The following TMEM217 variants were observed in gnomAD, a reference collection of about 807,000 sequenced individuals.
TMEM217 encodes transmembrane protein 217, also known as chromosome 6 open reading frame 128.
For missense variants in TMEM217, 204 were observed against 248.8 expected (o/e 0.82, Z 1.21); for synonymous variants, 76 against 88.3 (o/e 0.86, Z 0.78).
chr6:37,248,264 T>C (rs1400559627), intron 1 of TMEM217, among the ~76,000 whole-genome samples: 1 of 152,158 alleles, frequency 6.6e-6, no homozygotes, highest in Non-Finnish European at 1.5e-5. Flanking sequence ...GGGCTGTATG[T>C]TTACAGTGCT....
exon 2 of TMEM217, chr6:37,218,527 T>C: frequency 6.2e-7 from 1 of 1,614,138 alleles, no homozygotes; most frequent in South Asian, 1.1e-5. Context: ...CTGTAGAAAT[T>C]CGTCTCTTGT....
At chr6:37,249,827 GA>G (rs1765303957) in intron 1 of TMEM217, among the ~76,000 whole-genome samples, 1 of 152,168 alleles carries the variant, frequency 6.6e-6, no homozygotes, top group Non-Finnish European at 1.5e-5. Context: ...TGACCACTTT[GA>G]AAAACAGTTG....
chr6:37,244,632 G>A (rs1381698370), intron 1 of TMEM217, among the ~76,000 whole-genome samples: 1 of 152,184 alleles, frequency 6.6e-6, no homozygotes, highest in Non-Finnish European at 1.5e-5. Flanking sequence ...ATAGACTTGT[G>A]GAGAAATCTG....
chr6:37,225,130 G>A (rs1763752734), intron 1 of TMEM217, among the ~76,000 whole-genome samples: 1 of 152,014 alleles, frequency 6.6e-6, no homozygotes, highest in African/African-American at 2.4e-5. Flanking sequence ...AGCCTGGGAG[G>A]CAGAGGTTGC....
intron 1 of TMEM217, among the ~76,000 whole-genome samples, chr6:37,241,519 AGGTGCT>A (rs1420529080): frequency 6.6e-6 from 1 of 152,168 alleles, no homozygotes; most frequent in African/African-American, 2.4e-5. Context: ...GGCTAGAAGC[AGGTGCT>A]GGCAGGATCC....
intron 1 of TMEM217, among the ~76,000 whole-genome samples, chr6:37,249,706 G>A (rs916584577): frequency 5.3e-5 from 8 of 152,124 alleles, no homozygotes; most frequent in African/African-American, 1.9e-4. Flanking sequence ...CTTCCCTTAG[G>A]ATCTGACTTT....
Position 37,229,335 on chromosome 6 carries a change from G to GTTTTTTTTTTTTT in TMEM217, c.-11-10307_-11-10295dup, listed in dbSNP as rs372385535. Among the ~76,000 whole-genome samples, 15 of 74,364 alleles carry GTTTTTTTTTTTTT rather than the reference G, an allele frequency of 2.0e-4. 4 individuals are homozygous for GTTTTTTTTTTTTT. Among genetic ancestry groups the GTTTTTTTTTTTTT allele is most frequent in the Non-Finnish European group, 2.3e-4 (10 of 42,874 alleles). 48.8% of individuals were successfully genotyped at this position (74,364 alleles called of 152,430 possible). Reference sequence around the variant, plus strand: ...TGACTCGTCTCCCTAGCAACTTTCAGTTTTTTTTTTTTTTTTTTTTTTTTT... The same window carrying GTTTTTTTTTTTTT: ...TGACTCGTCTCCCTAGCAACTTTCAGTTTTTTTTTTTTTTTTTTTTTTTTTTTTTTTTTTTTTT... On this transcript the variant is annotated intron_variant, in intron 1 of 1. Coordinates refer to ENST00000357219, the Ensembl canonical transcript of TMEM217.
intron 1 of TMEM217, among the ~76,000 whole-genome samples, chr6:37,232,045 T>G (rs1019477261): frequency 6.6e-5 from 10 of 152,258 alleles, no homozygotes; most frequent in Admixed American, 5.2e-4. Context: ...ACTGGGCAGC[T>G]GAAGGATAAG....
chr6:37,237,813 T>C (rs777938302), intron 1 of TMEM217, among the ~76,000 whole-genome samples: 23 of 152,114 alleles, frequency 1.5e-4, no homozygotes, highest in South Asian at 4.1e-4. Context: ...TCTATATATA[T>C]ACACACACAC....
At chr6:37,251,850 T>C (rs1765416342) in intron 1 of TMEM217, among the ~76,000 whole-genome samples, 1 of 152,222 alleles carries the variant, frequency 6.6e-6, no homozygotes, top group South Asian at 2.1e-4. Context: ...CCAAATCTGG[T>C]ATGCTATTTT....
chr6:37,257,780 G>A (rs553290723), exon 1 of TMEM217: 2 of 932,522 alleles, frequency 2.1e-6, no homozygotes, highest in Non-Finnish European at 3.3e-6. Context: ...CCACATCCAA[G>A]ATGGCGTCCC....
At chr6:37,234,254 C>A (rs549508086) in intron 1 of TMEM217, among the ~76,000 whole-genome samples, 7 of 152,116 alleles carry the variant, frequency 4.6e-5, no homozygotes, top group Non-Finnish European at 1.0e-4. Flanking sequence ...CATGCGCCAC[C>A]ACACCCAGCT....
chr6:37,252,609 ATG>A (rs375935772), intron 1 of TMEM217, among the ~76,000 whole-genome samples: 6 of 36,344 alleles, frequency 1.7e-4, no homozygotes, highest in African/African-American at 6.2e-4. Flanking sequence ...GTGTGTGTGT[ATG>A]TGTGTGTATA....
intron 1 of TMEM217, among the ~76,000 whole-genome samples, chr6:37,236,433 A>G (rs1327959395): frequency 6.6e-6 from 1 of 152,106 alleles, no homozygotes; most frequent in Non-Finnish European, 1.5e-5. Context: ...TTGCCCTCCC[A>G]GGTTCAATCC....
intron 1 of TMEM217, among the ~76,000 whole-genome samples, chr6:37,227,509 C>T (rs765864130): frequency 2.6e-5 from 4 of 152,066 alleles, no homozygotes; most frequent in South Asian, 2.1e-4. Flanking sequence ...TGTAGTGGCG[C>T]GATCTTGGCT....
intron 1 of TMEM217, among the ~76,000 whole-genome samples, chr6:37,250,758 C>T (rs1765356077): frequency 6.6e-6 from 1 of 152,222 alleles, no homozygotes; most frequent in South Asian, 2.1e-4. Context: ...AAAATTTTTG[C>T]TAAACAATGC....
At chr6:37,235,645 C>T (rs967592247) in intron 1 of TMEM217, among the ~76,000 whole-genome samples, 3 of 152,262 alleles carry the variant, frequency 2.0e-5, no homozygotes, top group East Asian at 1.9e-4. Context: ...GGATTACAGG[C>T]GTGAGCCACC....
chr6:37,235,221 A>G (rs1764435061), intron 1 of TMEM217, among the ~76,000 whole-genome samples: 1 of 152,192 alleles, frequency 6.6e-6, no homozygotes, highest in African/African-American at 2.4e-5. Context: ...ATACTACACA[A>G]TTGGAAGTGA....
At chr6:37,221,296 C>T (rs1472784536) in intron 1 of TMEM217, among the ~76,000 whole-genome samples, 1 of 151,798 alleles carries the variant, frequency 6.6e-6, no homozygotes, top group African/African-American at 2.4e-5. Context: ...AAGCGATTCT[C>T]GTGCCTCAGC....
Sources: allele counts gnomAD v4.1 joint callset (sites outside exome capture counted in the v4.1 genomes callset), GRCh38; gene constraint gnomAD v4.1.1; transcripts MANE v1.5; gene names NCBI Gene and HGNC (gene_info 2026-07-23, HGNC 2026-07-21).